The following FRMPD2 variants were observed in gnomAD, a reference collection of about 807,000 sequenced individuals.
FRMPD2 encodes the protein FERM and PDZ domain containing 2.
A neutral mutation model predicts 140.1 loss-of-function variants in FRMPD2; 96 were observed. The observed-to-expected ratio is 0.69, with a 90% CI of 0.58 to 0.81. The LOEUF is 0.81. FRMPD2 is among the 40% of genes least tolerant of loss of function. The pLI is 0.00. For synonymous variants in FRMPD2, 449 were observed against 547.6 expected (o/e 0.82, Z 2.52); for missense variants, 1,240 against 1,447.4 (o/e 0.86, Z 2.32).
intron 16 of FRMPD2, among the ~76,000 whole-genome samples, chr10:48,188,895 A>T (rs772318709): frequency 6.6e-6 from 1 of 152,338 alleles, no homozygotes; most frequent in Non-Finnish European, 1.5e-5. Flanking sequence ...AGTCACATTC[A>T]TAGACCAGGA....
intron 1 of FRMPD2, among the ~76,000 whole-genome samples, chr10:48,264,818 C>T (rs1489791236): frequency 6.6e-6 from 1 of 152,034 alleles, no homozygotes; most frequent in Non-Finnish European, 1.5e-5. Flanking sequence ...GAAAACAAGT[C>T]ACCTAGAACA....
chr10:48,234,011 A>G (rs2131929810), intron 9 of FRMPD2, among the ~76,000 whole-genome samples: 1 of 152,270 alleles, frequency 6.6e-6, no homozygotes, highest in South Asian at 2.1e-4. Context: ...CATCTCACCC[A>G]CCCAGCTCCC....
At chr10:48,254,062 T>TA (rs112690019) in intron 1 of FRMPD2, among the ~76,000 whole-genome samples, 7,406 of 143,666 alleles carry the variant, frequency 0.052, 599 homozygotes, top group African/African-American at 0.17. Flanking sequence ...CCCTTTCAAT[T>TA]AAAAAAAAAA....
At chr10:48,163,039 C>T (rs1394578387) in intron 28 of FRMPD2, among the ~76,000 whole-genome samples, 3 of 142,484 alleles carry the variant, frequency 2.1e-5, no homozygotes, top group African/African-American at 8.0e-5. Flanking sequence ...ATGGAAGATA[C>T]AAGAGAAAGG....
chr10:48,185,190 G>A (rs531042803), intron 18 of FRMPD2, among the ~76,000 whole-genome samples: 5 of 152,158 alleles, frequency 3.3e-5, no homozygotes, highest in Non-Finnish European at 5.9e-5. Flanking sequence ...CCTTGTCTCC[G>A]TACCTTGTTT....
chr10:48,180,560 G>A (rs1323414344), intron 21 of FRMPD2, among the ~76,000 whole-genome samples: 25 of 151,740 alleles, frequency 1.6e-4, no homozygotes, highest in African/African-American at 6.1e-4. Flanking sequence ...CACCCACACT[G>A]AGCCTGTGCC....
In FRMPD2 at chr10:48,226,366, C is replaced by CT. The variant is rs1181622245; in HGVS notation, c.1169-3097dup. Among the ~76,000 whole-genome samples, 3 of 152,324 alleles carry CT rather than the reference C, an allele frequency of 2.0e-5. 1 individual carries two copies. On this transcript the variant is annotated intron_variant, in intron 10 of 28. Transcript: ENST00000374201. ...TTTGTCTTCCTCTAGCCGAACTCCT[C>CT]TTTTTTCCAAACTGCTCAGCTACTA...
chr10:48,229,431 T>G (rs1321676932), intron 10 of FRMPD2, among the ~76,000 whole-genome samples: 2 of 152,146 alleles, frequency 1.3e-5, no homozygotes, highest in Non-Finnish European at 2.9e-5. Flanking sequence ...TGAGTCTTTT[T>G]GACCTTGAAT....
chr10:48,250,027 T>C (rs1564439863), intron 2 of FRMPD2, among the ~76,000 whole-genome samples: 1 of 151,998 alleles, frequency 6.6e-6, no homozygotes, highest in Non-Finnish European at 1.5e-5. Flanking sequence ...GGATGTGAGG[T>C]CACTTGGCCA....
chr10:48,214,104 T>C (rs1368452656), intron 12 of FRMPD2, among the ~76,000 whole-genome samples: 1 of 152,206 alleles, frequency 6.6e-6, no homozygotes, highest in Non-Finnish European at 1.5e-5. Context: ...CCTCCCACTG[T>C]CACTTACCAA....
At chr10:48,236,048 TTTTTTTGTTTTTG>T (rs1436515940) in intron 9 of FRMPD2, among the ~76,000 whole-genome samples, 1 of 147,472 alleles carries the variant, frequency 6.8e-6, no homozygotes, top group Non-Finnish European at 1.5e-5. Context: ...TTCTTCGTTG[TTTTTTTGTTTTTG>T]TTTTTTGTTT....
chr10:48,213,757 T>C (rs1052397374), intron 12 of FRMPD2, among the ~76,000 whole-genome samples: 2 of 152,274 alleles, frequency 1.3e-5, no homozygotes, highest in African/African-American at 4.8e-5. Flanking sequence ...CATAACTATA[T>C]GATATTCTGG....
intron 3 of FRMPD2, among the ~76,000 whole-genome samples, chr10:48,245,910 C>T (rs1840236931): frequency 6.6e-6 from 1 of 152,236 alleles, no homozygotes; most frequent in Admixed American, 6.5e-5. Context: ...GAGCCCCCCA[C>T]TTGGTTTAAT....
intron 15 of FRMPD2, among the ~76,000 whole-genome samples, chr10:48,199,364 A>G (rs1426136011): frequency 2.0e-5 from 3 of 151,964 alleles, no homozygotes; most frequent in Admixed American, 6.6e-5. Context: ...TTTTGAATTT[A>G]GAAGCACAGT....
intron 16 of FRMPD2, among the ~76,000 whole-genome samples, 197 bp from the exon 17 acceptor site, chr10:48,187,489 C>T (rs1024920400): frequency 1.3e-5 from 2 of 152,096 alleles, no homozygotes; most frequent in African/African-American, 4.8e-5. Context: ...ATTAGGAGGA[C>T]ACTGGGAAAA....
At chr10:48,200,942 A>G (rs1258475219) in intron 15 of FRMPD2, among the ~76,000 whole-genome samples, 2 of 152,230 alleles carry the variant, frequency 1.3e-5, no homozygotes, top group African/African-American at 4.8e-5. Context: ...ATCTACAAGT[A>G]AAATTATGGG....
rs763832602 is a variant in FRMPD2, at chr10:48,238,151, C to A, written c.789-28G>T. ...GGCCAGGGGTTGAGAAGGGGTGAAG[C>A]ACTTAGCAATGGCAAGGGCTTCCAT... On this transcript the variant is annotated intron_variant, in intron 7 of 28. Coordinates refer to ENST00000374201, the MANE Select transcript of FRMPD2 (RefSeq NM_001018071.4). 3.8e-6 allele frequency: 6 copies of A among 1,599,908 alleles called. No individual in the cohort carries two copies. In the South Asian group the frequency reaches 6.6e-5, roughly 18 times the overall value.
chr10:48,199,461 T>C (rs1393370831), intron 15 of FRMPD2, among the ~76,000 whole-genome samples: 1 of 152,210 alleles, frequency 6.6e-6, no homozygotes, highest in Non-Finnish European at 1.5e-5. Context: ...AGCAAATAGC[T>C]TCCTGATTGG....
Position 48,244,799 on chromosome 10 carries a change from A to T in FRMPD2, c.360T>A (p.His120Gln), listed in dbSNP as rs747222158. ...GMTLYWSAGFHVPPHQPLQLC... is the reference protein window; with the variant it reads ...GMTLYWSAGFQVPPHQPLQLC... ...GTTTACAAACCTGATGTGGCGGAAC[A>T]TGAAACCCTGCTGACCAGTAGAGGG... is the stretch of plus-strand genomic sequence containing the variant. The change falls in exon 4 of 29, where the codon CAT becomes CAA. Residue 120 changes from histidine (H) to glutamine (Q), a missense_variant. By Grantham distance (24) the His-to-Gln change is conservative. Around this residue, in one of 6 missense-constraint regions of FRMPD2, gnomAD observed 1,161 missense variants for 1,055.9 expected, o/e 1.10. Transcript: ENST00000374201. The T allele has an allele frequency of 1.9e-6, 3 of 1,613,578 alleles. No homozygotes were observed. In the Admixed American group the frequency reaches 5.0e-5, roughly 27 times the overall value.
Sources: allele counts gnomAD v4.1 joint callset (sites outside exome capture counted in the v4.1 genomes callset), GRCh38; gene constraint gnomAD v4.1.1; regional missense constraint gnomAD v4.1.1; transcripts MANE v1.5; gene names NCBI Gene and HGNC (gene_info 2026-07-23, HGNC 2026-07-21).